ELAVL4: variants seen among roughly 807,000 people sequenced by gnomAD.
ELAVL4 encodes ELAV-like protein 4.
Under a neutral mutation model 35.6 loss-of-function variants are expected in ELAVL4, and 1 was observed. That is an observed-to-expected ratio of 0.03 (90% confidence interval 0.01 to 0.13). The LOEUF (loss-of-function observed/expected upper bound fraction) is 0.13. Among genes scored for constraint, ELAVL4 ranks in the 10% least tolerant of loss-of-function variants. ELAVL4 has a pLI of 1.00. For synonymous variants in ELAVL4, 156 were observed against 171.0 expected (o/e 0.91, Z 0.69); for missense variants, 267 against 464.9 (o/e 0.57, Z 3.91).
intron 2 of ELAVL4, 94 bp from the exon 3 acceptor site, chr1:50,176,995 C>A: frequency 1.0e-6 from 1 of 1,001,402 alleles, no homozygotes; most frequent in Non-Finnish European, 1.5e-6. Flanking sequence ...GGAAGTGTTG[C>A]CTCTATAAAG....
intron 1 of ELAVL4, among the ~76,000 whole-genome samples, chr1:50,136,820 T>C (rs938247827): frequency 6.6e-6 from 1 of 152,250 alleles, no homozygotes; most frequent in East Asian, 1.9e-4. Flanking sequence ...AGGCTATATC[T>C]CCGCCAGAAA....
chr1:50,051,750 GAAC>G (rs1167285362), intron 1 of ELAVL4, among the ~76,000 whole-genome samples: 12 of 152,116 alleles, frequency 7.9e-5, no homozygotes, highest in African/African-American at 2.4e-4. Flanking sequence ...TCTTTTGATA[GAAC>G]AATATGATGA....
At chr1:50,106,473 C>G (rs1010796690), upstream of ELAVL4, 1 of 1,124,672 alleles carries the variant, frequency 8.9e-7, no homozygotes, top group Non-Finnish European at 1.3e-6. Flanking sequence ...TTGAGTGAGA[C>G]AAGTTTCTTT....
At chr1:50,068,210 TA>T (rs1353586322) in intron 1 of ELAVL4, among the ~76,000 whole-genome samples, 1 of 152,000 alleles carries the variant, frequency 6.6e-6, no homozygotes, top group Non-Finnish European at 1.5e-5. Flanking sequence ...TATGTAGAGA[TA>T]GGGGTGGCAA....
At chr1:50,186,339 G>T (rs1681825361) in intron 3 of ELAVL4, among the ~76,000 whole-genome samples, 1 of 152,172 alleles carries the variant, frequency 6.6e-6, no homozygotes, top group South Asian at 2.1e-4. Flanking sequence ...TTGAGACTAG[G>T]TGCCACAGGG....
upstream of ELAVL4, among the ~76,000 whole-genome samples, chr1:50,099,813 C>T (rs369732029): frequency 1.3e-5 from 2 of 152,068 alleles, no homozygotes; most frequent in East Asian, 3.9e-4. Flanking sequence ...AGCACATGCA[C>T]GAAATAATGT....
upstream of ELAVL4, among the ~76,000 whole-genome samples, chr1:50,099,021 TATA>T (rs914338413): frequency 1.3e-5 from 2 of 152,254 alleles, no homozygotes; most frequent in South Asian, 2.1e-4. Flanking sequence ...AAGGGCTTTT[TATA>T]ATAAGTCAGC....
chr1:50,194,916 G>A (rs1384976573), intron 4 of ELAVL4, among the ~76,000 whole-genome samples: 3 of 152,158 alleles, frequency 2.0e-5, no homozygotes, highest in Admixed American at 6.5e-5. Flanking sequence ...CAGTCTATTC[G>A]AGGAGGATCA....
chr1:50,073,722 G>A (rs1177513707), intron 1 of ELAVL4, among the ~76,000 whole-genome samples: 1 of 152,114 alleles, frequency 6.6e-6, no homozygotes, highest in African/African-American at 2.4e-5. Context: ...GTCCACTGGA[G>A]TTTGAGGAAT....
At chr1:50,071,306 AT>A (rs1404683466) in intron 1 of ELAVL4, among the ~76,000 whole-genome samples, 2 of 152,152 alleles carry the variant, frequency 1.3e-5, no homozygotes, top group African/African-American at 4.8e-5. Flanking sequence ...GATTTTGTCT[AT>A]CTAGTTTCCT....
chr1:50,149,372 A>C (rs2148707689), intron 2 of ELAVL4, among the ~76,000 whole-genome samples: 1 of 151,992 alleles, frequency 6.6e-6, no homozygotes, highest in Non-Finnish European at 1.5e-5. Flanking sequence ...CCTGGGTAAC[A>C]AGTACGAAAC....
chr1:50,048,304 C>T, intron 1 of ELAVL4: 2 of 1,271,092 alleles, frequency 1.6e-6, no homozygotes, highest in Non-Finnish European at 2.1e-6. Context: ...ACCCCGACTC[C>T]CAGGGAGGGG....
At chr1:50,165,241 GGCC>G (rs1677538413) in intron 2 of ELAVL4, among the ~76,000 whole-genome samples, 1 of 151,866 alleles carries the variant, frequency 6.6e-6, no homozygotes, top group South Asian at 2.1e-4. Flanking sequence ...CCTGCTTCAG[GGCC>G]TTTGCACATG....
At chr1:50,086,190 G>A (rs1230259749) in intron 1 of ELAVL4, among the ~76,000 whole-genome samples, 1 of 151,690 alleles carries the variant, frequency 6.6e-6, no homozygotes, top group Non-Finnish European at 1.5e-5. Context: ...ATTTTTCCTT[G>A]TTAATTGCTT....
At chr1:50,184,230 C>G (rs190136949) in intron 3 of ELAVL4, among the ~76,000 whole-genome samples, 1 of 152,070 alleles carries the variant, frequency 6.6e-6, no homozygotes, top group Non-Finnish European at 1.5e-5. Context: ...GTGATACGTT[C>G]CCAGTATCTT....
At chr1:50,076,953 A>G (rs1482816616) in intron 1 of ELAVL4, among the ~76,000 whole-genome samples, 2 of 152,114 alleles carry the variant, frequency 1.3e-5, no homozygotes, top group Non-Finnish European at 2.9e-5. Flanking sequence ...CATCTGTGAG[A>G]GGGGAAAGCT....
chr1:50,104,270 G>A (rs140251747), upstream of ELAVL4, among the ~76,000 whole-genome samples: 1 of 152,228 alleles, frequency 6.6e-6, no homozygotes, highest in African/African-American at 2.4e-5. Flanking sequence ...CTTTAAATTA[G>A]CACCAAGGCA....
At chr1:50,101,257 A>C (rs1001805392), upstream of ELAVL4, among the ~76,000 whole-genome samples, 1 of 152,086 alleles carries the variant, frequency 6.6e-6, no homozygotes, top group Non-Finnish European at 1.5e-5. Context: ...TTGAGCAACT[A>C]CTGTATGTAA....
At chr1:50,123,365 A>G (rs964558163) in intron 1 of ELAVL4, among the ~76,000 whole-genome samples, 2 of 152,054 alleles carry the variant, frequency 1.3e-5, no homozygotes, top group African/African-American at 4.8e-5. Context: ...ATTTAAAACA[A>G]CTTTAGAGCA....
Sources: allele counts gnomAD v4.1 joint callset (sites outside exome capture counted in the v4.1 genomes callset), GRCh38; gene constraint gnomAD v4.1.1; transcripts MANE v1.5; gene names NCBI Gene and HGNC (gene_info 2026-07-23, HGNC 2026-07-21).